Variants in ADCY1 observed in about 807,000 individuals in gnomAD.
ADCY1 encodes the protein adenylate cyclase 1.
Under a neutral mutation model 105.4 loss-of-function variants are expected in ADCY1, and 28 were observed. That is an observed-to-expected ratio of 0.27 (90% CI 0.20 to 0.36). The LOEUF (loss-of-function observed/expected upper bound fraction) is 0.36. ADCY1 is among the 10% of genes least tolerant of loss of function. The pLI is 1.00. For missense variants in ADCY1, 977 were observed against 1,434.2 expected, an observed-to-expected ratio of 0.68 and a Z score of 5.15; for synonymous variants, 655 against 623.8, an observed-to-expected ratio of 1.05 and a Z score of -0.75.
chr7:45,688,449 G>A (rs541099100), intron 14 of ADCY1, among the ~76,000 whole-genome samples: 3 of 152,332 alleles, frequency 2.0e-5, no homozygotes, highest in African/African-American at 7.2e-5. Flanking sequence ...TGAAGGGTAG[G>A]TGTGAGGAGC....
In ADCY1 at chr7:45,575,584, G is replaced by A. The variant is rs373380741; in HGVS notation, c.639+402G>A. On this transcript the variant is annotated intron_variant, in intron 1 of 19. Coordinates refer to ENST00000297323, the MANE Select transcript of ADCY1 (RefSeq NM_021116.4). The surrounding 1 kb of genome is among the most constrained non-coding windows in gnomAD (Gnocchi z 4.7). ...GACCCCCAGGGCAAGCTCCAAGGCC[G>A]GCTCTGCGCGCAGCGCTGGGCTCTT... 3.0e-4 allele frequency among the ~76,000 whole-genome samples: 45 copies of A among 152,312 alleles called. No homozygotes were observed. The East Asian group carries it at 8.5e-3, about 29-fold the overall frequency.
At chr7:45,584,256 T>C (rs1451090357) in intron 1 of ADCY1, among the ~76,000 whole-genome samples, 1 of 152,150 alleles carries the variant, frequency 6.6e-6, no homozygotes, top group East Asian at 1.9e-4. Flanking sequence ...GAGTGCCCTT[T>C]TCTTACTGAC....
chr7:45,711,644 T>C (rs13240627), intron 19 of ADCY1, among the ~76,000 whole-genome samples: 14,786 of 50,410 alleles, frequency 0.29, 1,369 homozygotes, highest in East Asian at 0.51. Context: ...TATATATATA[T>C]ACACACACAC....
At position 45,662,121 on chromosome 7, in the gene ADCY1, C is replaced by A; in HGVS notation, c.1512C>A (p.Val504=). ...CCAAAAGGATGAAGTTCAAGACTGT[C>A]TGCTACCTGCTGGTGCAGCTCATGC... The part of the protein sequence containing the change: ...KPAKRMKFKT[V]CYLLVQLMHC... The change falls in exon 8 of 20, where the codon GTC becomes GTA. Residue 504 remains valine, a synonymous_variant. Transcript: ENST00000297323. 2 of 1,614,186 alleles carry A rather than the reference C, an allele frequency of 1.2e-6. No homozygotes were observed. The highest frequency in any genetic ancestry group is 2.2e-5 in the South Asian group (2 of 91,072).
intron 5 of ADCY1, among the ~76,000 whole-genome samples, chr7:45,656,974 CTG>C (rs1479196540): frequency 1.3e-5 from 2 of 152,258 alleles, no homozygotes; most frequent in African/African-American, 4.8e-5. Flanking sequence ...CACGAGGAAA[CTG>C]AGGCATAGAG....
intron 11 of ADCY1, among the ~76,000 whole-genome samples, chr7:45,682,288 A>C (rs1369147496): frequency 1.3e-5 from 2 of 152,184 alleles, no homozygotes; most frequent in African/African-American, 4.8e-5. Flanking sequence ...GACCATCTGC[A>C]GAGGGCGGCA....
At chr7:45,588,910 A>G (rs1444905812) in intron 1 of ADCY1, among the ~76,000 whole-genome samples, 2 of 150,140 alleles carry the variant, frequency 1.3e-5, no homozygotes, top group Non-Finnish European at 3.0e-5. Context: ...TGTGTGTAAC[A>G]CTTTCCTTAC....
intron 8 of ADCY1, among the ~76,000 whole-genome samples, chr7:45,674,964 A>G (rs1205873784): frequency 2.0e-5 from 3 of 152,232 alleles, no homozygotes; most frequent in African/African-American, 7.2e-5. Flanking sequence ...TAAACAGCAT[A>G]TATTTGGATG....
At chr7:45,636,694 C>T (rs993662792) in intron 4 of ADCY1, among the ~76,000 whole-genome samples, 2 of 152,186 alleles carry the variant, frequency 1.3e-5, no homozygotes, top group African/African-American at 4.8e-5. Flanking sequence ...GTGCACACCA[C>T]CACACCCAGC....
intron 1 of ADCY1, among the ~76,000 whole-genome samples, chr7:45,589,440 C>T (rs938667075): frequency 6.6e-6 from 1 of 152,192 alleles, no homozygotes; most frequent in Non-Finnish European, 1.5e-5. Context: ...TCGTGGTGAC[C>T]CGAGCCTGCC....
intron 2 of ADCY1, among the ~76,000 whole-genome samples, chr7:45,609,630 C>A (rs949214282): frequency 6.6e-6 from 1 of 152,164 alleles, no homozygotes; most frequent in Non-Finnish European, 1.5e-5. Context: ...CGGGGACCCT[C>A]ACACCACATT....
At chr7:45,627,276 ACTC>A (rs1421255796) in intron 4 of ADCY1, among the ~76,000 whole-genome samples, 4 of 152,150 alleles carry the variant, frequency 2.6e-5, no homozygotes, top group Non-Finnish European at 5.9e-5. Flanking sequence ...CTAGAAGAGA[ACTC>A]CTACTCATCC....
At chr7:45,666,582 A>G (rs950284439) in intron 8 of ADCY1, among the ~76,000 whole-genome samples, 20 of 152,244 alleles carry the variant, frequency 1.3e-4, no homozygotes, top group African/African-American at 4.8e-4. Flanking sequence ...GTGCCGCAAT[A>G]AACATACGTG....
chr7:45,616,243 C>T (rs1229458618), intron 3 of ADCY1, among the ~76,000 whole-genome samples: 1 of 152,128 alleles, frequency 6.6e-6, no homozygotes, highest in African/African-American at 2.4e-5. Flanking sequence ...GTAAATTCTA[C>T]CAAACATTTA....
Position 45,686,140 on chromosome 7 carries a change from C to T in ADCY1, c.2252C>T (p.Pro751Leu). 6.2e-7 allele frequency: 1 copy of T among 1,614,156 alleles called. No homozygotes were observed. Among genetic ancestry groups the T allele is most frequent in the East Asian group, 2.2e-5 (1 of 44,872 alleles). Residue 751 changes from proline to leucine, a missense_variant, in exon 13 of 20, where the codon CCA becomes CTA. Transcript: ENST00000297323. The surrounding 1 kb of genome is among the most constrained non-coding windows in gnomAD (Gnocchi z 4.3). The part of the protein sequence containing the change: ...LAIFFRVSSL[P>L]KMILLSGLTT... ...ATATTTTTCCGGGTGTCCTCCTTGC[C>T]AAAAATGATCCTGCTCTCCGGGCTC... is the stretch of plus-strand genomic sequence containing the variant.
chr7:45,678,057 G>A lies in ADCY1; in HGVS notation c.1794G>A (p.Glu598=), dbSNP rs140648069. The change falls in exon 9 of 20, where the codon GAG becomes GAA. Residue 598 remains glutamate (E), a synonymous_variant. Transcript: ENST00000297323. ...TGAAGTACAAACATGTCGAACGGGA[G>A]CAAAAGGTAAGCAACTCTGGTTTTC... is the stretch of plus-strand genomic sequence containing the variant. The part of the protein sequence containing the change: ...FTLKYKHVER[E]QKYHQLQDEY... 3 of 1,613,904 alleles carry A rather than the reference G, an allele frequency of 1.9e-6. No homozygotes were observed. Among genetic ancestry groups the A allele is most frequent in the African/African-American group, 2.7e-5 (2 of 74,896 alleles).
At chr7:45,622,589 A>C in intron 3 of ADCY1, 43 bp from the exon 4 acceptor site, 1 of 1,390,006 alleles carries the variant, frequency 7.2e-7, no homozygotes, top group Non-Finnish European at 1.0e-6. Flanking sequence ...TTATTTCCTG[A>C]GTGACTGGGA....
chr7:45,689,142 G>A (rs1324283984), intron 14 of ADCY1, among the ~76,000 whole-genome samples: 2 of 151,716 alleles, frequency 1.3e-5, no homozygotes, highest in African/African-American at 2.4e-5. Context: ...AGTGGGCAGG[G>A]GTTGCTGAGA....
chr7:45,596,948 G>A (rs961211524), intron 2 of ADCY1, among the ~76,000 whole-genome samples: 2 of 152,124 alleles, frequency 1.3e-5, no homozygotes, highest in Non-Finnish European at 2.9e-5. Flanking sequence ...TTTTCTTTTT[G>A]TTTCTTCCTG....
Sources: gnomAD v4.1 joint callset for allele counts (sites outside exome capture counted in the v4.1 genomes callset) on GRCh38, gnomAD v4.1.1 for gene constraint, Gnocchi (gnomAD v3.1) non-coding constraint, MANE v1.5 for transcripts, NCBI Gene and HGNC (gene_info 2026-07-23, HGNC 2026-07-21) for gene names.